VWA3B: variants seen among roughly 807,000 people sequenced by gnomAD.
VWA3B encodes von Willebrand factor A domain containing 3B.
VWA3B carries 138 observed loss-of-function variants against 158.3 expected under a neutral mutation model. That is an observed-to-expected ratio of 0.87 (90% CI 0.76 to 1.00). The LOEUF is 1.00. Among genes scored for constraint, VWA3B ranks in the 50% least tolerant of loss-of-function variants. VWA3B has a pLI of 0.00. For synonymous variants in VWA3B, 596 were observed against 587.3 expected (o/e 1.01, Z -0.21); for missense variants, 1,555 against 1,565.1 (o/e 0.99, Z 0.11).
intron 22 of VWA3B, among the ~76,000 whole-genome samples, chr2:98,272,895 C>T (rs1434985424): frequency 2.0e-5 from 3 of 152,164 alleles, no homozygotes; most frequent in Non-Finnish European, 4.4e-5. Context: ...GCTTGGATCT[C>T]TGTTGTACAC....
chr2:98,221,157 C>T (rs1177759974), intron 14 of VWA3B, among the ~76,000 whole-genome samples: 3 of 151,982 alleles, frequency 2.0e-5, no homozygotes, highest in African/African-American at 7.3e-5. Context: ...CACTCATTGT[C>T]GTGTCATTCT....
chr2:98,164,517 C>T (rs1296632228), intron 8 of VWA3B, among the ~76,000 whole-genome samples: 1 of 152,134 alleles, frequency 6.6e-6, no homozygotes, highest in Non-Finnish European at 1.5e-5. Flanking sequence ...CTTATTATCT[C>T]CAACTGACAG....
chr2:98,129,181 GGAGAGAGA>G, intron 6 of VWA3B, among the ~76,000 whole-genome samples: 1 of 151,080 alleles, frequency 6.6e-6, no homozygotes, highest in Admixed American at 6.6e-5. Context: ...CTCACACGGT[GGAGAGAGA>G]GAGTGAGAGA....
At chr2:98,275,258 C>T (rs184658854) in intron 22 of VWA3B, among the ~76,000 whole-genome samples, 323 of 152,288 alleles carry the variant, frequency 2.1e-3, no homozygotes, top group African/African-American at 7.3e-3. Context: ...AGAGGAAAAG[C>T]AGATTTTCAG....
At chr2:98,095,832 A>G (rs1682670262) in intron 2 of VWA3B, among the ~76,000 whole-genome samples, 1 of 152,064 alleles carries the variant, frequency 6.6e-6, no homozygotes, top group Non-Finnish European at 1.5e-5. Context: ...TTATGAAGAG[A>G]TATTGAGTTT....
intron 23 of VWA3B, among the ~76,000 whole-genome samples, chr2:98,294,334 C>A (rs1466764678): frequency 2.0e-5 from 3 of 148,928 alleles, no homozygotes; most frequent in Non-Finnish European, 4.5e-5. Context: ...GTAAAAAAAA[C>A]AGCTCACTTA....
downstream of VWA3B, among the ~76,000 whole-genome samples, chr2:98,317,731 C>T (rs973483599): frequency 1.3e-5 from 2 of 152,314 alleles, no homozygotes; most frequent in Middle Eastern, 3.4e-3. Context: ...ATTGATGTCT[C>T]ATGTCTCCCT....
At chr2:98,180,869 A>G in intron 8 of VWA3B, 147 bp from the exon 9 acceptor site, 2 of 789,082 alleles carry the variant, frequency 2.5e-6, no homozygotes, top group South Asian at 2.0e-5. Context: ...ATTCTTTGCC[A>G]GTCCTGCTTT....
Position 98,188,062 on chromosome 2 carries a change from A to G in VWA3B, c.1399A>G (p.Ile467Val). The G allele has an allele frequency of 6.2e-7, 1 of 1,614,060 alleles. No homozygotes were observed. The highest frequency in any genetic ancestry group is 8.5e-7 in the Non-Finnish European group (1 of 1,179,980). The part of the protein sequence containing the change: ...WKDGSLVHVN[I>V]TKEKCKWYSE... ...GGATGGGAGCTTGGTCCACGTCAAC[A>G]TTACCAAAGAGAAGTGCAAGTGGTA... The change falls in exon 10 of 28, where the codon ATT becomes GTT. Residue 467 changes from isoleucine (I) to valine (V), a missense_variant. By Grantham distance (29) the Ile-to-Val change is conservative. Transcript: ENST00000477737.
intron 3 of VWA3B, among the ~76,000 whole-genome samples, chr2:98,116,538 G>C (rs542465826): frequency 6.6e-6 from 1 of 151,926 alleles, no homozygotes; most frequent in Non-Finnish European, 1.5e-5. Flanking sequence ...ACACTTTCTT[G>C]TTCTATCACC....
chr2:98,202,824 T>C (rs975582325), intron 12 of VWA3B, among the ~76,000 whole-genome samples: 1 of 151,700 alleles, frequency 6.6e-6, no homozygotes, highest in Admixed American at 6.6e-5. Flanking sequence ...GGTTGAGGTT[T>C]ATTTATTTAT....
chr2:98,312,231 G>C lies in VWA3B; in HGVS notation c.3767G>C (p.Arg1256Pro), dbSNP rs1189775076. Reference protein sequence around the residue: ...TAHLHFPAAGRLGLSSHAIIA... With the variant: ...TAHLHFPAAGPLGLSSHAIIA... ...CACCTCCACTTCCCCGCGGCCGGGC[G>C]TCTAGGACTCAGCAGCCACGCCATC... Residue 1256 changes from arginine to proline, a missense_variant, in exon 28 of 28, where the codon CGT becomes CCT. Arg to Pro is a moderately radical substitution (Grantham distance 103). Coordinates refer to ENST00000477737, the MANE Select transcript of VWA3B (RefSeq NM_144992.5). The C allele has an allele frequency of 6.2e-7, 1 of 1,613,986 alleles. No homozygotes were observed. The highest frequency in any genetic ancestry group is 8.5e-7 in the Non-Finnish European group (1 of 1,180,028).
chr2:98,251,092 C>T (rs189990146), intron 20 of VWA3B, among the ~76,000 whole-genome samples: 11 of 151,976 alleles, frequency 7.2e-5, no homozygotes, highest in Admixed American at 3.9e-4. Flanking sequence ...AGTGAGACCT[C>T]GTCTAAAAAA....
chr2:98,141,353 C>T (rs1243030940), intron 7 of VWA3B, among the ~76,000 whole-genome samples: 1 of 152,174 alleles, frequency 6.6e-6, no homozygotes, highest in Non-Finnish European at 1.5e-5. Context: ...AGCATCTGCT[C>T]AGCTTCTGGT....
At chr2:98,281,972 G>A (rs1389417985) in intron 22 of VWA3B, among the ~76,000 whole-genome samples, 1 of 152,144 alleles carries the variant, frequency 6.6e-6, no homozygotes, top group African/African-American at 2.4e-5. Context: ...CATCACCCAT[G>A]GGTTTCTTTT....
intron 12 of VWA3B, among the ~76,000 whole-genome samples, chr2:98,194,936 T>C (rs1376182868): frequency 1.3e-5 from 2 of 152,200 alleles, no homozygotes; most frequent in Non-Finnish European, 2.9e-5. Flanking sequence ...TAGGACTGAA[T>C]GCAAGAAGAG....
In VWA3B at chr2:98,234,641, C is replaced by T. The variant is rs780548220; in HGVS notation, c.2309-7C>T. On this transcript the variant is annotated splice_region_variant and splice_polypyrimidine_tract_variant and intron_variant, in intron 16 of 27. Coordinates refer to ENST00000477737, the MANE Select transcript of VWA3B (RefSeq NM_144992.5). ...TCCTTTAACTCTTCCCTCTGTGATA[C>T]CAACAGAATCAACCAAAACCAGCCT... The T allele has an allele frequency of 5.6e-6, 9 of 1,614,112 alleles. No individual in the cohort carries two copies. In the Middle Eastern group the frequency reaches 4.9e-4, roughly 89 times the overall value.
intron 21 of VWA3B, among the ~76,000 whole-genome samples, chr2:98,269,123 A>C (rs1558745993): frequency 6.6e-6 from 1 of 152,080 alleles, no homozygotes; most frequent in East Asian, 1.9e-4. Flanking sequence ...GCTTTTCCCT[A>C]CATTTTTTAT....
At chr2:98,172,078 A>G (rs1031631856) in intron 8 of VWA3B, among the ~76,000 whole-genome samples, 1 of 152,208 alleles carries the variant, frequency 6.6e-6, no homozygotes, top group African/African-American at 2.4e-5. Flanking sequence ...TTTGCTATCT[A>G]TAGGCAGCTT....
Sources: gnomAD v4.1 joint callset for allele counts (sites outside exome capture counted in the v4.1 genomes callset) on GRCh38, gnomAD v4.1.1 for gene constraint, MANE v1.5 for transcripts, NCBI Gene and HGNC (gene_info 2026-07-23, HGNC 2026-07-21) for gene names.